Variants in SOX5 observed in about 807,000 individuals in gnomAD.
SOX5 encodes transcription factor SOX-5.
In SOX5, 9 loss-of-function variants were observed where a neutral mutation model predicts 92.0. The observed-to-expected ratio is 0.10, with a 90% CI of 0.06 to 0.17. The LOEUF (loss-of-function observed/expected upper bound fraction) is 0.17, where lower values mean the gene tolerates loss of function less well. SOX5 is among the 10% of genes least tolerant of loss of function. SOX5 has a pLI of 1.00. For missense variants in SOX5, 642 were observed against 944.5 expected (o/e 0.68, Z 4.20); for synonymous variants, 344 against 336.3 (o/e 1.02, Z -0.25).
At chr12:23,684,150 C>A (rs1353073415) in intron 6 of SOX5, among the ~76,000 whole-genome samples, 1 of 151,972 alleles carries the variant, frequency 6.6e-6, no homozygotes, top group Non-Finnish European at 1.5e-5. Context: ...AGTTCCATTT[C>A]TAAGCCACTA....
chr12:24,242,031 C>A (rs982437023), intron 3 of SOX5, among the ~76,000 whole-genome samples: 1 of 152,074 alleles, frequency 6.6e-6, no homozygotes, highest in Non-Finnish European at 1.5e-5. Context: ...GAAATAATTC[C>A]TGTTGTTAAG....
intron 1 of SOX5, among the ~76,000 whole-genome samples, chr12:24,439,616 C>T (rs936518905): frequency 3.3e-5 from 5 of 152,090 alleles, no homozygotes; most frequent in South Asian, 2.1e-4. Context: ...AAAAATAGTC[C>T]GGGCGCAGTA....
intron 4 of SOX5, among the ~76,000 whole-genome samples, chr12:24,102,063 C>A (rs1946154499): frequency 6.6e-6 from 1 of 152,132 alleles, no homozygotes. Flanking sequence ...TTCCAAATCT[C>A]CATTAAATTA....
At chr12:23,844,210 C>A (rs778734183) in intron 3 of SOX5, among the ~76,000 whole-genome samples, 5 of 152,184 alleles carry the variant, frequency 3.3e-5, no homozygotes, top group Admixed American at 2.0e-4. Context: ...CTATGGCTCC[C>A]TGCCGCTGCC....
intron 1 of SOX5, among the ~76,000 whole-genome samples, chr12:24,520,317 A>G (rs1322150147): frequency 6.6e-6 from 1 of 152,114 alleles, no homozygotes; most frequent in Non-Finnish European, 1.5e-5. Flanking sequence ...ATTTTTAATT[A>G]TAATATAAAA....
intron 2 of SOX5, among the ~76,000 whole-genome samples, chr12:24,322,287 CATT>C (rs1234625662): frequency 6.6e-6 from 1 of 152,092 alleles, no homozygotes; most frequent in Admixed American, 6.5e-5. Context: ...CATACACTAT[CATT>C]ATTAGCAGAC....
chr12:24,103,425 G>A (rs1284002773), intron 4 of SOX5, among the ~76,000 whole-genome samples: 1 of 151,472 alleles, frequency 6.6e-6, no homozygotes, highest in Non-Finnish European at 1.5e-5. Context: ...TGCAATCGTA[G>A]CTCACTTTAG....
At position 24,401,350 on chromosome 12, in the gene SOX5, T is replaced by A. The variant is rs60505908; in HGVS notation, c.-250-32711A>T. On this transcript the variant is annotated intron_variant, in intron 1 of 4. Coordinates refer to the SOX5 transcript ENST00000446891. ...CTGGGCGACAGAGCAAGACTCCATCTCAGGGGAAAAAAAAAAAAAAAGTTA... is the reference window on the plus strand; with the variant it reads ...CTGGGCGACAGAGCAAGACTCCATCACAGGGGAAAAAAAAAAAAAAAGTTA... 6.9e-5 allele frequency among the ~76,000 whole-genome samples: 8 copies of A among 116,676 alleles called. 1 individual carries two copies. Among genetic ancestry groups the A allele is most frequent in the African/African-American group, 2.5e-4 (8 of 31,436 alleles). 76.5% of individuals were successfully genotyped at this position (116,676 alleles called of 152,430 possible). A position where few individuals can be genotyped will look rare whatever the true frequency, so the allele number is the denominator to read the frequency against.
At chr12:23,576,386 G>T (rs1949108912) in intron 9 of SOX5, among the ~76,000 whole-genome samples, 1 of 151,872 alleles carries the variant, frequency 6.6e-6, no homozygotes, top group African/African-American at 2.4e-5. Flanking sequence ...TTTCTCCCTA[G>T]GTTTCACAGA....
At chr12:24,411,761 G>T (rs1964128691) in intron 1 of SOX5, among the ~76,000 whole-genome samples, 1 of 151,968 alleles carries the variant, frequency 6.6e-6, no homozygotes, top group Non-Finnish European at 1.5e-5. Context: ...GGGGGATATT[G>T]GTCTCATTTC....
chr12:24,340,891 G>A (rs966887127), intron 2 of SOX5, among the ~76,000 whole-genome samples: 9 of 152,122 alleles, frequency 5.9e-5, no homozygotes, highest in South Asian at 4.2e-4. Flanking sequence ...AGTGCACATC[G>A]CCACTGAGGT....
At chr12:24,153,970 T>A (rs1422917661) in intron 4 of SOX5, among the ~76,000 whole-genome samples, 1 of 152,138 alleles carries the variant, frequency 6.6e-6, no homozygotes. Flanking sequence ...TCTCTAGAAG[T>A]AAATTCGGAG....
intron 1 of SOX5, among the ~76,000 whole-genome samples, chr12:24,402,184 A>G (rs1300504972): frequency 2.0e-5 from 3 of 152,200 alleles, no homozygotes; most frequent in Non-Finnish European, 4.4e-5. Context: ...AAGAAAATCC[A>G]TTTCTACATT....
chr12:24,238,594 T>A (rs535993775), intron 3 of SOX5, among the ~76,000 whole-genome samples: 2 of 152,242 alleles, frequency 1.3e-5, no homozygotes, highest in Admixed American at 1.3e-4. Flanking sequence ...TGAGCTCAAG[T>A]CATCAGTCTT....
chr12:24,561,297 C>T (rs1396138780), intron 1 of SOX5, among the ~76,000 whole-genome samples: 1 of 152,224 alleles, frequency 6.6e-6, no homozygotes, highest in Non-Finnish European at 1.5e-5. Flanking sequence ...AATGAATTCA[C>T]ATTCATCATC....
chr12:23,643,496 G>A (rs1326173314), intron 7 of SOX5, among the ~76,000 whole-genome samples: 1 of 152,164 alleles, frequency 6.6e-6, no homozygotes, highest in Non-Finnish European at 1.5e-5. Flanking sequence ...ACTTGAGAGT[G>A]GTTAGCATGT....
chr12:24,312,914 C>T (rs903509605), intron 2 of SOX5, among the ~76,000 whole-genome samples: 23 of 152,242 alleles, frequency 1.5e-4, no homozygotes, highest in African/African-American at 4.8e-4. Context: ...ATACTTCCAG[C>T]GGTTCTGCTT....
At chr12:24,298,067 G>A (rs1349717409) in intron 2 of SOX5, among the ~76,000 whole-genome samples, 1 of 152,050 alleles carries the variant, frequency 6.6e-6, no homozygotes, top group Non-Finnish European at 1.5e-5. Context: ...CCCCAAAAGT[G>A]GCAGTTTAAT....
chr12:24,463,786 A>G (rs1055074956), intron 1 of SOX5, among the ~76,000 whole-genome samples: 14 of 152,170 alleles, frequency 9.2e-5, no homozygotes, highest in African/African-American at 2.7e-4. Context: ...TGCCCTTTTG[A>G]TCTGAAGCTT....
Sources: gnomAD v4.1 joint callset for allele counts (sites outside exome capture counted in the v4.1 genomes callset) on GRCh38, gnomAD v4.1.1 for gene constraint, MANE v1.5 for transcripts, NCBI Gene and HGNC (gene_info 2026-07-23, HGNC 2026-07-21) for gene names.